The following FRMD4B variants were observed in gnomAD, a reference collection of about 807,000 sequenced individuals.
FRMD4B encodes the protein FERM domain containing 4B, also known as FERM domain-containing protein 4B.
In FRMD4B, 74 loss-of-function variants were observed where a neutral mutation model predicts 141.5. The ratio of observed to expected loss-of-function variants is 0.52; its 90% CI spans 0.43 to 0.63. The LOEUF (loss-of-function observed/expected upper bound fraction) is 0.63. FRMD4B is among the 30% of genes least tolerant of loss of function. The pLI is 0.00. For missense variants in FRMD4B, 1,366 were observed against 1,253.4 expected (o/e 1.09, Z -1.36); for synonymous variants, 506 against 467.9 (o/e 1.08, Z -1.05).
chr3:69,332,614 T>C (rs1454043712), intron 1 of FRMD4B, among the ~76,000 whole-genome samples: 1 of 152,106 alleles, frequency 6.6e-6, no homozygotes, highest in Non-Finnish European at 1.5e-5. Context: ...TCTCACTCCA[T>C]TGCCCAGGCT....
intron 12 of FRMD4B, 108 bp downstream of exon 12, chr3:69,198,585 ACACCC>A: frequency 4.5e-6 from 3 of 664,546 alleles, no homozygotes; most frequent in Non-Finnish European, 5.5e-6. Flanking sequence ...TCCTAGGTAT[ACACCC>A]AAGAGAAATG....
chr3:69,187,431 C>T (rs990085619), intron 19 of FRMD4B, among the ~76,000 whole-genome samples: 10 of 150,772 alleles, frequency 6.6e-5, no homozygotes, highest in South Asian at 6.3e-4. Context: ...CCCAGCTGCT[C>T]GGGAGGCTGA....
In FRMD4B at chr3:69,170,136, C is replaced by T. The variant is rs191408041; in HGVS notation, c.*1725G>A. On this transcript the variant is annotated 3_prime_UTR_variant, in exon 23 of 23. Transcript: ENST00000398540. ...TGTAAATATTTAAAAATGTACATCC[C>T]GGAATTAATAAAATACGGTAATACT... 3 of 152,086 alleles carry T rather than the reference C, an allele frequency of 2.0e-5. No homozygotes were observed. The highest frequency in any genetic ancestry group is 1.9e-4 in the East Asian group (1 of 5,174). The allele number at this position is 152,086 out of a possible 1,614,324, so 9.4% of individuals were successfully genotyped here.
chr3:69,224,710 G>C lies in FRMD4B; in HGVS notation c.582-20C>G. 1 of 1,175,114 alleles carries C rather than the reference G, an allele frequency of 8.5e-7. No homozygotes were observed. Among genetic ancestry groups the C allele is most frequent in the Non-Finnish European group, 1.3e-6 (1 of 799,514 alleles). 72.8% of individuals were successfully genotyped at this position (1,175,114 alleles called of 1,614,324 possible). On this transcript the variant is annotated intron_variant, in intron 7 of 22. Transcript: ENST00000398540. Reference sequence around the variant, plus strand: ...TCATCACTAAAAAGAAATGGAATATGGTAATGTCAGGTACTGTTATCCAAA... The same window carrying C: ...TCATCACTAAAAAGAAATGGAATATCGTAATGTCAGGTACTGTTATCCAAA...
intron 1 of FRMD4B, among the ~76,000 whole-genome samples, chr3:69,541,789 T>TTCCCC (rs1553652262): frequency 2.7e-5 from 4 of 148,306 alleles, no homozygotes; most frequent in African/African-American, 1.0e-4. Context: ...TCCAGGGATT[T>TTCCCC]CCCCCCCCTC....
intron 8 of FRMD4B, 150 bp downstream of exon 8, chr3:69,224,457 A>C (rs2093230469): frequency 1.5e-6 from 1 of 657,292 alleles, no homozygotes; most frequent in Non-Finnish European, 2.7e-6. Context: ...CCTTTCACTG[A>C]AAGGATCAAG....
At chr3:69,249,083 AT>A in intron 7 of FRMD4B, 142 bp downstream of exon 7, 2 of 575,966 alleles carry the variant, frequency 3.5e-6, no homozygotes, top group Non-Finnish European at 6.2e-6. Flanking sequence ...ATAGGTCTCT[AT>A]TTGAAGAGCG....
In FRMD4B at chr3:69,189,790, C is replaced by T. The variant is rs999516467; in HGVS notation, c.1771+106G>A. Reference sequence around the variant, plus strand: ...CATAAATGTAAGTTAGTTTATTCTACTTTTTCTCAAAAGAAAAACAAATAG... The same window carrying T: ...CATAAATGTAAGTTAGTTTATTCTATTTTTTCTCAAAAGAAAAACAAATAG... On this transcript the variant is annotated intron_variant, in intron 18 of 22. Coordinates refer to ENST00000398540, the MANE Select transcript of FRMD4B (RefSeq NM_015123.3). The T allele has an allele frequency of 4.5e-5, 32 of 714,884 alleles. No individual in the cohort carries two copies. In the African/African-American group the frequency reaches 5.2e-4, roughly 12 times the overall value. The allele number at this position is 714,884 out of a possible 1,614,324, so 44.3% of individuals were successfully genotyped here.
chr3:69,181,545 T>C lies in FRMD4B; in HGVS notation c.2205A>G (p.Gln735=), dbSNP rs377617300. Residue 735 remains glutamine (Q), a synonymous_variant, in exon 21 of 23, where the codon CAA becomes CAG. Coordinates refer to ENST00000398540, the MANE Select transcript of FRMD4B (RefSeq NM_015123.3). The part of the protein sequence containing the change: ...ILDDGSSYTS[Q]SSTEYYCVTP... ...TCACACAGTAATACTCTGTGCTTGATTGGCTTGTATAAGAAGACCCGTCAT... is the reference window on the plus strand; with the variant it reads ...TCACACAGTAATACTCTGTGCTTGACTGGCTTGTATAAGAAGACCCGTCAT... The C allele has an allele frequency of 6.2e-6, 10 of 1,613,802 alleles. No homozygotes were observed. The East Asian group carries it at 6.7e-5, about 11-fold the overall frequency.
At chr3:69,503,683 A>AT (rs1228993707) in intron 1 of FRMD4B, among the ~76,000 whole-genome samples, 1 of 152,296 alleles carries the variant, frequency 6.6e-6, no homozygotes, top group East Asian at 1.9e-4. Context: ...TTAAAGTATA[A>AT]TAAAAACAAA....
chr3:69,328,879 C>T (rs1702267818), intron 1 of FRMD4B, among the ~76,000 whole-genome samples: 1 of 152,120 alleles, frequency 6.6e-6, no homozygotes, highest in African/African-American at 2.4e-5. Flanking sequence ...CCTTGTTTAG[C>T]ATATGATCAA....
intron 1 of FRMD4B, among the ~76,000 whole-genome samples, chr3:69,316,894 G>T (rs1701818689): frequency 6.6e-6 from 1 of 152,224 alleles, no homozygotes; most frequent in African/African-American, 2.4e-5. Context: ...GGCCAAGGCT[G>T]GTGGATGACC....
chr3:69,524,473 T>G (rs1349069660), intron 1 of FRMD4B, among the ~76,000 whole-genome samples: 1 of 152,326 alleles, frequency 6.6e-6, no homozygotes, highest in African/African-American at 2.4e-5. Context: ...TCAGTTAGAA[T>G]GTAGGTGCTT....
At chr3:69,397,895 T>C (rs1419074783) in intron 2 of FRMD4B, among the ~76,000 whole-genome samples, 1 of 152,154 alleles carries the variant, frequency 6.6e-6, no homozygotes, top group African/African-American at 2.4e-5. Flanking sequence ...AATAAAGCTG[T>C]TACCAAAAAA....
chr3:69,443,304 A>G (rs1433945468), intron 1 of FRMD4B, among the ~76,000 whole-genome samples: 1 of 152,094 alleles, frequency 6.6e-6, no homozygotes. Context: ...TTTTTGGGAG[A>G]GCGGCACATC....
intron 1 of FRMD4B, among the ~76,000 whole-genome samples, chr3:69,465,874 G>A (rs764346703): frequency 3.9e-5 from 6 of 152,106 alleles, no homozygotes; most frequent in South Asian, 2.1e-4. Context: ...GTCTTTATAG[G>A]AGCATGATTT....
At chr3:69,321,401 G>T (rs995987007) in intron 1 of FRMD4B, among the ~76,000 whole-genome samples, 16 of 151,962 alleles carry the variant, frequency 1.1e-4, no homozygotes, top group African/African-American at 2.7e-4. Flanking sequence ...TGACCTTTTC[G>T]AAAGCCTAGT....
intron 7 of FRMD4B, among the ~76,000 whole-genome samples, chr3:69,225,694 CAAAAAAAAAAAAAAAAA>C (rs144489759): frequency 1.7e-4 from 4 of 23,336 alleles, no homozygotes; most frequent in African/African-American, 7.4e-4. Flanking sequence ...GACTCCGTCT[CAAAAAAAAAAAAAAAAA>C]AAAAAAAAAA....
chr3:69,253,181 C>CTTTTTT (rs781662739), intron 5 of FRMD4B, among the ~76,000 whole-genome samples: 10 of 121,948 alleles, frequency 8.2e-5, no homozygotes, highest in Non-Finnish European at 6.8e-5. Context: ...AATATGATTC[C>CTTTTTT]TATTTTTTTT....
Sources: gnomAD v4.1 joint callset for allele counts (sites outside exome capture counted in the v4.1 genomes callset) on GRCh38, gnomAD v4.1.1 for gene constraint, MANE v1.5 for transcripts, NCBI Gene and HGNC (gene_info 2026-07-23, HGNC 2026-07-21) for gene names.